Variants in PLIN3 observed in about 807,000 individuals in gnomAD.
The protein encoded by PLIN3 is perilipin-3.
A neutral mutation model predicts 35.9 loss-of-function variants in PLIN3; 30 were observed. The observed-to-expected ratio is 0.84, with a 90% CI of 0.62 to 1.13. The LOEUF (loss-of-function observed/expected upper bound fraction) is 1.13, where lower values mean the gene tolerates loss of function less well. PLIN3 is among the 50% of genes most tolerant of loss of function. PLIN3 has a pLI of 0.00. For synonymous variants in PLIN3, 261 were observed against 262.5 expected (o/e 0.99, Z 0.06); for missense variants, 603 against 596.9 (o/e 1.01, Z -0.11).
intron 1 of PLIN3, among the ~76,000 whole-genome samples, chr19:4,867,326 AT>A: frequency 6.6e-6 from 1 of 152,202 alleles, no homozygotes; most frequent in Admixed American, 6.5e-5. Flanking sequence ...GGGGGGCGGT[AT>A]TTAGCCCACC....
At position 4,838,950 on chromosome 19, in the gene PLIN3, G is replaced by A. The variant is rs2093624410; in HGVS notation, c.*242C>T. On this transcript the variant is annotated 3_prime_UTR_variant, in exon 8 of 8. Coordinates refer to ENST00000221957, the MANE Select transcript of PLIN3 (RefSeq NM_005817.5). ...AACTTTCCTGAAAGATATTTTTTCT[G>A]GACATCTCTCTCTACTGACTGATAG... 1 of 374,442 alleles carries A rather than the reference G, an allele frequency of 2.7e-6. No homozygotes were observed. Among genetic ancestry groups the A allele is most frequent in the African/African-American group, 2.1e-5 (1 of 48,390 alleles). The allele number at this position is 374,442 out of a possible 1,614,324, so 23.2% of individuals were successfully genotyped here.
At chr19:4,851,173 TA>T (rs2030277312) in intron 5 of PLIN3, among the ~76,000 whole-genome samples, 1 of 151,376 alleles carries the variant, frequency 6.6e-6, no homozygotes, top group African/African-American at 2.4e-5. Context: ...CTAAAACAAA[TA>T]AATAAAAAAG....
At chr19:4,853,853 A>G (rs1386810029) in intron 4 of PLIN3, among the ~76,000 whole-genome samples, 1 of 151,790 alleles carries the variant, frequency 6.6e-6, no homozygotes, top group Non-Finnish European at 1.5e-5. Context: ...AAAGCTTTGC[A>G]TGGAATCCTT....
chr19:4,855,844 AAGTCTAGG>A (rs2030456279), intron 4 of PLIN3, among the ~76,000 whole-genome samples: 2 of 151,674 alleles, frequency 1.3e-5, no homozygotes, highest in South Asian at 4.2e-4. Flanking sequence ...AGGATTGCCT[AAGTCTAGG>A]AGGTCAAGGC....
intron 7 of PLIN3, among the ~76,000 whole-genome samples, chr19:4,841,285 C>T (rs1025884717): frequency 3.3e-5 from 5 of 152,112 alleles, no homozygotes; most frequent in African/African-American, 1.2e-4. Context: ...AGCCATGGAA[C>T]GTCATGGGGC....
chr19:4,860,347 C>G (rs532031558), intron 2 of PLIN3, among the ~76,000 whole-genome samples: 1 of 152,056 alleles, frequency 6.6e-6, no homozygotes, highest in Non-Finnish European at 1.5e-5. Context: ...GCTGGGATTA[C>G]GGGTGCCACC....
At chr19:4,850,917 G>C (rs986657908) in intron 5 of PLIN3, among the ~76,000 whole-genome samples, 6 of 152,142 alleles carry the variant, frequency 3.9e-5, no homozygotes, top group African/African-American at 1.2e-4. Context: ...CCGCACTTTG[G>C]GGGGCTAAAG....
rs760015444 is a variant in PLIN3 at position 4,852,235 on chromosome 19, C to T, written c.415G>A (p.Ala139Thr). 58 of 1,609,640 alleles carry T rather than the reference C, an allele frequency of 3.6e-5. No homozygotes were observed. Among genetic ancestry groups the T allele is most frequent in the South Asian group, 4.4e-5 (4 of 91,078 alleles). Residue 139 changes from alanine to threonine, a missense_variant, in exon 5 of 8, where the codon GCC becomes ACC. Transcript: ENST00000221957. The part of the protein sequence containing the change: ...VSGAQEMVSS[A>T]KDTVATQLSE... The stretch of plus-strand genomic sequence containing the variant: ...AATTGGGTGGCCACCGTGTCCTTGG[C>T]GCTAGACACCATCTCTTGGGCCCCC...
rs773161639 is a variant in PLIN3, at chr19:4,859,859, C to G, written c.232G>C (p.Ala78Pro). 1 of 1,612,946 alleles carries G rather than the reference C, an allele frequency of 6.2e-7. No individual in the cohort carries two copies. Among genetic ancestry groups the G allele is most frequent in the Non-Finnish European group, 8.5e-7 (1 of 1,179,976 alleles). Reference protein sequence around the residue: ...RTLTAAAVSGAQPILSKLEPQ... With the variant: ...RTLTAAAVSGPQPILSKLEPQ... ...TCCAGCTTGGAGAGGATCGGCTGAGCCCCGCTGACAGCAGCCGCCGTGAGG... is the reference window on the plus strand; with the variant it reads ...TCCAGCTTGGAGAGGATCGGCTGAGGCCCGCTGACAGCAGCCGCCGTGAGG... Residue 78 changes from alanine (A) to proline (P), a missense_variant, in exon 3 of 8, where the codon GCT (alanine) becomes CCT (proline). By Grantham distance (27) the Ala-to-Pro change is conservative. Coordinates refer to ENST00000221957, the MANE Select transcript of PLIN3 (RefSeq NM_005817.5).
chr19:4,860,861 C>T (rs1052201133), intron 2 of PLIN3, among the ~76,000 whole-genome samples: 4 of 152,112 alleles, frequency 2.6e-5, no homozygotes, highest in African/African-American at 9.7e-5. Flanking sequence ...ACCCCAGCTA[C>T]TTGGGAGGCT....
In PLIN3 at chr19:4,847,853, C is replaced by T. The variant is rs1361844195; in HGVS notation, c.672G>A (p.Ala224=). The change falls in exon 6 of 8, where the codon GCG becomes GCA. Residue 224 remains alanine, a synonymous_variant. Coordinates refer to ENST00000221957, the MANE Select transcript of PLIN3 (RefSeq NM_005817.5). Reference sequence around the variant, plus strand: ...GTTCCTGCCGCTGCTGCTGCACGGACGCGACGTCAAAGCCATCCAGGGATG... The same window carrying T: ...GTTCCTGCCGCTGCTGCTGCACGGATGCGACGTCAAAGCCATCCAGGGATG... ...IATSLDGFDV[A]SVQQQRQEQS... 8.1e-6 allele frequency: 13 copies of T among 1,613,704 alleles called. No individual in the cohort carries two copies. Among genetic ancestry groups the T allele is most frequent in the South Asian group, 2.2e-5 (2 of 91,078 alleles).
intron 5 of PLIN3, 37 bp from the exon 6 acceptor site, chr19:4,847,927 G>C: frequency 6.7e-7 from 1 of 1,482,938 alleles, no homozygotes; most frequent in Non-Finnish European, 9.4e-7. Context: ...GTGAAGACCA[G>C]AACACACAGC....
rs2030083883 is a variant in PLIN3, at chr19:4,846,038, C to T, written c.835-1245G>A. On this transcript the variant is annotated intron_variant, in intron 6 of 7. Coordinates refer to ENST00000221957, the MANE Select transcript of PLIN3 (RefSeq NM_005817.5). ...AGGAGATCAAGACCATCCTGGCTAA[C>T]ACTGTGAAACCCCATCTCTACTAAA... Among the ~76,000 whole-genome samples the T allele has an allele frequency of 2.0e-5, 3 of 151,094 alleles. No individual in the cohort carries two copies. In the Admixed American group the frequency reaches 2.0e-4, roughly 10 times the overall value.
Position 4,838,467 on chromosome 19 carries a change from C to T in PLIN3, c.*725G>A, listed in dbSNP as rs1011838744. ...TCAGAAGCTCAGTGTACCACCCCAT[C>T]CCCAGGAGGCCCACTTAGACCAGAA... is the stretch of plus-strand genomic sequence containing the variant. On this transcript the variant is annotated 3_prime_UTR_variant, in exon 8 of 8. Coordinates refer to ENST00000221957, the MANE Select transcript of PLIN3 (RefSeq NM_005817.5). 5.9e-5 allele frequency: 9 copies of T among 152,518 alleles called. No homozygotes were observed. The highest frequency in any genetic ancestry group is 1.0e-4 in the Non-Finnish European group (7 of 68,086). 9.4% of individuals were successfully genotyped at this position (152,518 alleles called of 1,614,324 possible).
intron 3 of PLIN3, 51 bp from the exon 4 acceptor site, chr19:4,859,723 A>T (rs919031943): frequency 3.1e-6 from 5 of 1,603,016 alleles, no homozygotes; most frequent in Non-Finnish European, 4.3e-6. Flanking sequence ...GTCACCTAGT[A>T]ATGGTTCAGG....
intron 7 of PLIN3, among the ~76,000 whole-genome samples, chr19:4,843,284 A>G (rs1444928770): frequency 6.6e-6 from 1 of 152,078 alleles, no homozygotes; most frequent in East Asian, 1.9e-4. Context: ...AGGCGGGCGG[A>G]TCACAAGGTC....
chr19:4,839,832 A>AT lies in PLIN3; in HGVS notation c.961-297dup, dbSNP rs981205676. Reference sequence around the variant, plus strand: ...AGGCGCCCACCACCACGCCAGGCTAATTTTTTGTATTTTTAGTAGAGACGG... The same window carrying AT: ...AGGCGCCCACCACCACGCCAGGCTAATTTTTTTGTATTTTTAGTAGAGACGG... On this transcript the variant is annotated intron_variant, in intron 7 of 7. Coordinates refer to ENST00000221957, the MANE Select transcript of PLIN3 (RefSeq NM_005817.5). Among the ~76,000 whole-genome samples the AT allele has an allele frequency of 2.7e-5, 4 of 149,978 alleles. No homozygotes were observed. The Admixed American group carries it at 2.7e-4, about 10-fold the overall frequency.
At chr19:4,859,185 T>G (rs766264021) in intron 4 of PLIN3, among the ~76,000 whole-genome samples, 6 of 152,128 alleles carry the variant, frequency 3.9e-5, no homozygotes, top group Non-Finnish European at 8.8e-5. Flanking sequence ...ATAGACAATA[T>G]GTAAATAAAT....
At chr19:4,862,613 G>A (rs1487533978) in intron 1 of PLIN3, among the ~76,000 whole-genome samples, 1 of 152,164 alleles carries the variant, frequency 6.6e-6, no homozygotes, top group African/African-American at 2.4e-5. Flanking sequence ...CACACGTCAG[G>A]AAGCAAGGCT....
Sources: allele counts gnomAD v4.1 joint callset (sites outside exome capture counted in the v4.1 genomes callset), GRCh38; gene constraint gnomAD v4.1.1; transcripts MANE v1.5; gene names NCBI Gene and HGNC (gene_info 2026-07-23, HGNC 2026-07-21).